The following POFUT3 variants were observed in gnomAD, a reference collection of about 807,000 sequenced individuals.
POFUT3 encodes the protein GDP-fucose protein O-fucosyltransferase 3.
chr8:33,381,759 C>T, the POFUT3 span, among the ~76,000 whole-genome samples: 134 of 152,262 alleles, frequency 8.8e-4, no homozygotes, highest in African/African-American at 3.2e-3. Context: ...AGCTGGCTGC[C>T]AGTGATTAAG....
chr8:33,327,343 A>G, the POFUT3 span, among the ~76,000 whole-genome samples: 2 of 152,092 alleles, frequency 1.3e-5, no homozygotes, highest in Non-Finnish European at 2.9e-5. Context: ...CCTTAGCACC[A>G]TTTTCATAAT....
chr8:33,382,959 A>G, the POFUT3 span, among the ~76,000 whole-genome samples: 1 of 152,122 alleles, frequency 6.6e-6, no homozygotes, highest in Admixed American at 6.5e-5. Context: ...CTCAGCACCC[A>G]TATCACACAC....
At chr8:33,310,690 C>CAAA in the POFUT3 span, among the ~76,000 whole-genome samples, 369 of 128,052 alleles carry the variant, frequency 2.9e-3, 3 homozygotes, top group African/African-American at 9.3e-3. Flanking sequence ...GACTCCATCT[C>CAAA]AAAAAAAAAA....
At chr8:33,370,644 A>C in the POFUT3 span, among the ~76,000 whole-genome samples, 29,770 of 152,248 alleles carry the variant, frequency 0.2, 3,511 homozygotes, top group East Asian at 0.46. Context: ...TGAAGAACTA[A>C]GATGGAATGA....
At chr8:33,461,712 G>A in the POFUT3 span, 4 of 1,375,488 alleles carry the variant, frequency 2.9e-6, no homozygotes, top group African/African-American at 1.5e-5. Context: ...AAATAAGAAG[G>A]AATCAAAAAA....
chr8:33,450,684 T>C, the POFUT3 span, among the ~76,000 whole-genome samples: 3 of 152,154 alleles, frequency 2.0e-5, no homozygotes, highest in Admixed American at 1.3e-4. Flanking sequence ...GATTCGGTTC[T>C]CCATGAGAGT....
the POFUT3 span, chr8:33,453,372 T>G: frequency 6.2e-7 from 1 of 1,614,204 alleles, no homozygotes; most frequent in South Asian, 1.1e-5. Flanking sequence ...TCCCATTTTC[T>G]TTTCCTGTTG....
chr8:33,406,391 T>C, the POFUT3 span, among the ~76,000 whole-genome samples: 1 of 152,160 alleles, frequency 6.6e-6, no homozygotes, highest in Admixed American at 6.5e-5. Context: ...GGGCTTGACA[T>C]GGTAAAGACT....
the POFUT3 span, chr8:33,453,321 T>C: frequency 6.2e-7 from 1 of 1,614,200 alleles, no homozygotes; most frequent in Admixed American, 1.7e-5. Context: ...GTCTCCCCCG[T>C]CAGCGGGGAC....
chr8:33,415,576 C>T, the POFUT3 span, among the ~76,000 whole-genome samples: 1 of 152,188 alleles, frequency 6.6e-6, no homozygotes, highest in Admixed American at 6.5e-5. Context: ...AATACACTCC[C>T]AGCCAGGTGA....
At chr8:33,443,586 G>A in the POFUT3 span, among the ~76,000 whole-genome samples, 5 of 152,090 alleles carry the variant, frequency 3.3e-5, no homozygotes, top group East Asian at 5.8e-4. Context: ...TCTGCCTCCC[G>A]GGTTCAAGTG....
At chr8:33,451,764 A>G in the POFUT3 span, 5 of 152,238 alleles carry the variant, frequency 3.3e-5, no homozygotes. Context: ...ACAGTTCTGC[A>G]TTGCTTGGGA....
At chr8:33,318,804 T>G in the POFUT3 span, among the ~76,000 whole-genome samples, 4 of 41,976 alleles carry the variant, frequency 9.5e-5, 1 homozygote, top group Non-Finnish European at 1.3e-4. Flanking sequence ...TATATATATT[T>G]TATATATATT....
At chr8:33,396,095 C>T in the POFUT3 span, among the ~76,000 whole-genome samples, 1 of 152,064 alleles carries the variant, frequency 6.6e-6, no homozygotes, top group African/African-American at 2.4e-5. Context: ...GTGGTGATAG[C>T]GATAGTAGCA....
the POFUT3 span, among the ~76,000 whole-genome samples, chr8:33,380,780 T>C: frequency 6.7e-6 from 1 of 149,878 alleles, no homozygotes; most frequent in African/African-American, 2.5e-5. Flanking sequence ...AAGACTGCAG[T>C]GAGCTATGAT....
the POFUT3 span, among the ~76,000 whole-genome samples, chr8:33,472,377 G>GA: frequency 6.6e-6 from 1 of 152,160 alleles, no homozygotes; most frequent in Non-Finnish European, 1.5e-5. Context: ...AAGATTCCCA[G>GA]AAAATGTCAT....
At chr8:33,332,795 G>C in the POFUT3 span, among the ~76,000 whole-genome samples, 1 of 152,104 alleles carries the variant, frequency 6.6e-6, no homozygotes, top group Non-Finnish European at 1.5e-5. Flanking sequence ...CAGATAGATA[G>C]ACCAAAAAAT....
the POFUT3 span, among the ~76,000 whole-genome samples, chr8:33,443,008 G>A: frequency 0.015 from 2,223 of 152,204 alleles, 21 homozygotes; most frequent in Non-Finnish European, 0.021. Context: ...AGCTACTCAG[G>A]AGGCTGAGAT....
chr8:33,470,788 A>G, the POFUT3 span, among the ~76,000 whole-genome samples: 11 of 152,322 alleles, frequency 7.2e-5, no homozygotes, highest in Non-Finnish European at 7.3e-5. Flanking sequence ...TGTAGCTAAT[A>G]TTTCACATGA....
Sources: gnomAD v4.1 joint callset for allele counts (sites outside exome capture counted in the v4.1 genomes callset) on GRCh38, gnomAD v4.1.1 for gene constraint, MANE v1.5 for transcripts, NCBI Gene and HGNC (gene_info 2026-07-23, HGNC 2026-07-21) for gene names.